Variants in EPHB3 observed in about 807,000 individuals in gnomAD.
EPHB3 encodes ephrin type-B receptor 3.
Under a neutral mutation model 100.2 loss-of-function variants are expected in EPHB3, and 33 were observed. That is an observed-to-expected ratio of 0.33 (90% confidence interval 0.25 to 0.44). The LOEUF is 0.44. Ranked by LOEUF, EPHB3 falls within the 20% of genes least tolerant of loss-of-function variation. EPHB3 has a pLI of 1.00. For synonymous variants in EPHB3, 526 were observed against 554.7 expected, an observed-to-expected ratio of 0.95 and a Z score of 0.73; for missense variants, 1,045 against 1,378.3, an observed-to-expected ratio of 0.76 and a Z score of 3.83.
Position 184,579,333 on chromosome 3 carries a change from A to T in EPHB3, c.1802-144A>T. ...GTGTCTAGCCTTTATGGTCACCAGG[A>T]GTTCTCATGGGAGCTGGAGGATTAG... On this transcript the variant is annotated intron_variant, in intron 9 of 15. Coordinates refer to ENST00000330394, the MANE Select transcript of EPHB3 (RefSeq NM_004443.4). This position sits in a 1 kb window ranked among gnomAD's most constrained non-coding sequence, Gnocchi z 5.2. 8.1e-7 allele frequency: 1 copy of T among 1,238,546 alleles called. No individual in the cohort carries two copies. Among genetic ancestry groups the T allele is most frequent in the African/African-American group, 1.5e-5 (1 of 66,378 alleles). 76.7% of individuals were successfully genotyped at this position (1,238,546 alleles called of 1,614,324 possible).
In EPHB3 at chr3:184,563,431, G is replaced by A. The variant is rs981664528; in HGVS notation, c.118+1078G>A. Among the ~76,000 whole-genome samples, 2 of 152,160 alleles carry A rather than the reference G, an allele frequency of 1.3e-5. No individual in the cohort carries two copies. Among genetic ancestry groups the A allele is most frequent in the African/African-American group, 4.8e-5 (2 of 41,414 alleles). On this transcript the variant is annotated intron_variant, in intron 1 of 15. Transcript: ENST00000330394. The surrounding 1 kb of genome is among the most constrained non-coding windows in gnomAD (Gnocchi z 4.1). Reference sequence around the variant, plus strand: ...CTAGTTACTTTCTTAGTTTAGGAACGAAAACACGAACTCTGTGGAACTTGG... The same window carrying A: ...CTAGTTACTTTCTTAGTTTAGGAACAAAAACACGAACTCTGTGGAACTTGG...
chr3:184,563,618 C>G lies in EPHB3; in HGVS notation c.118+1265C>G, dbSNP rs935920370. 6.6e-6 allele frequency among the ~76,000 whole-genome samples: 1 copy of G among 152,208 alleles called. No individual in the cohort carries two copies. The highest frequency in any genetic ancestry group is 2.4e-5 in the African/African-American group (1 of 41,456). On this transcript the variant is annotated intron_variant, in intron 1 of 15. Transcript: ENST00000330394. The surrounding 1 kb of genome is among the most constrained non-coding windows in gnomAD (Gnocchi z 4.1). ...CTCTGAGCCTGCTGTGCTGACAGAT[C>G]GAGTCCCACGGGTGGACACATGCAA...
Position 184,577,971 on chromosome 3 carries a change from G to C in EPHB3, c.1713G>C (p.Val571=). The C allele has an allele frequency of 1.2e-6, 2 of 1,613,956 alleles. No individual in the cohort carries two copies. The highest frequency in any genetic ancestry group is 1.7e-6 in the Non-Finnish European group (2 of 1,179,952). The change falls in exon 8 of 16, where the codon GTG becomes GTC. Residue 571 remains valine, a synonymous_variant. Coordinates refer to ENST00000330394, the MANE Select transcript of EPHB3 (RefSeq NM_004443.4). The surrounding 1 kb of genome is among the most constrained non-coding windows in gnomAD (Gnocchi z 4.9). ...VGSATAGLVF[V]VAVVVIAIVC... is the part of the protein sequence containing the mutation. ...CCGCTACAGCTGGGCTTGTCTTCGT[G>C]GTGGCTGTCGTGGTCATCGCTATCG...
At position 184,578,511 on chromosome 3, in the gene EPHB3, G is replaced by T. The variant is rs1416983826; in HGVS notation, c.1801+45G>T. 1.9e-6 allele frequency: 3 copies of T among 1,612,372 alleles called. No individual in the cohort carries two copies. The highest frequency in any genetic ancestry group is 8.5e-7 in the Non-Finnish European group (1 of 1,178,962). Reference sequence around the variant, plus strand: ...CCTCCCCAAGCTCTCCCAGCCCCCTGCAGGGCTCTCAGACACCCTTCTCCC... The same window carrying T: ...CCTCCCCAAGCTCTCCCAGCCCCCTTCAGGGCTCTCAGACACCCTTCTCCC... On this transcript the variant is annotated intron_variant, in intron 9 of 15. Coordinates refer to ENST00000330394, the MANE Select transcript of EPHB3 (RefSeq NM_004443.4). This position sits in a 1 kb window ranked among gnomAD's most constrained non-coding sequence, Gnocchi z 4.7.
Position 184,572,977 on chromosome 3 carries a change from C to T in EPHB3, c.657C>T (p.Phe219=), listed in dbSNP as rs145290731. 7,639 of 1,604,422 alleles carry T rather than the reference C, an allele frequency of 4.8e-3. 547 individuals are homozygous for T. The Admixed American group carries it at 0.12, about 25-fold the overall frequency. Residue 219 remains phenylalanine, a synonymous_variant, in exon 3 of 16, where the codon TTC becomes TTT. Transcript: ENST00000330394. This position sits in a 1 kb window ranked among gnomAD's most constrained non-coding sequence, Gnocchi z 6.6. ...AGTGTGCATCCACCACCGCAGGCTT[C>T]GCACTCTTCCCCGAGACCCTCACTG... ...YKKCASTTAG[F]ALFPETLTGA... is the part of the protein sequence containing the mutation.
At chr3:184,576,115 T>A in intron 4 of EPHB3, 130 bp downstream of exon 4, 2 of 1,302,584 alleles carry the variant, frequency 1.5e-6, no homozygotes, top group Non-Finnish European at 2.1e-6. Context: ...GGAAGTTAGA[T>A]GTTGCGCTCA....
chr3:184,570,285 G>A (rs1250641739), intron 1 of EPHB3, among the ~76,000 whole-genome samples: 1 of 152,316 alleles, frequency 6.6e-6, no homozygotes, highest in African/African-American at 2.4e-5. Context: ...CCTTTACAGA[G>A]GGGCATATTG....
Position 184,579,948 on chromosome 3 carries a change from C to T in EPHB3, c.2172+14C>T. On this transcript the variant is annotated intron_variant, in intron 11 of 15. Transcript: ENST00000330394. This position sits in a 1 kb window ranked among gnomAD's most constrained non-coding sequence, Gnocchi z 5.2. ...TCCTTCCTCCGGGTAAGAGCCAGCC[C>T]CCAGGCCCTCTCCCTCCCCCAGAGA... is the stretch of plus-strand genomic sequence containing the variant. The T allele has an allele frequency of 6.2e-7, 1 of 1,608,622 alleles. No homozygotes were observed. Among genetic ancestry groups the T allele is most frequent in the Admixed American group, 1.7e-5 (1 of 59,604 alleles).
At chr3:184,564,991 T>C (rs754822209) in intron 1 of EPHB3, among the ~76,000 whole-genome samples, 9 of 152,080 alleles carry the variant, frequency 5.9e-5, no homozygotes, top group Non-Finnish European at 1.3e-4. Context: ...ATGACATTTA[T>C]TTTGGCCCAG....
At chr3:184,564,504 T>A (rs570688663) in intron 1 of EPHB3, among the ~76,000 whole-genome samples, 2 of 152,360 alleles carry the variant, frequency 1.3e-5, no homozygotes, top group African/African-American at 4.8e-5. Flanking sequence ...TCTTAATGTG[T>A]GCAAAGTGCT....
Position 184,562,346 on chromosome 3 carries a change from G to T in EPHB3, c.111G>T (p.Ala37=), listed in dbSNP as rs1363118457. Residue 37 remains alanine (A), a synonymous_variant, in exon 1 of 16, where the codon GCG becomes GCT. Transcript: ENST00000330394. This position sits in a 1 kb window ranked among gnomAD's most constrained non-coding sequence, Gnocchi z 4.8. ...PLLLLPAGCR[A]LEETLMDTKW... is the part of the protein sequence containing the mutation. ...TGCTGCTGCCCGCCGGCTGCCGGGC[G>T]CTGGAAGGTGAGCGGCGTCGGGGGG... The T allele has an allele frequency of 5.7e-6, 7 of 1,233,856 alleles. No individual in the cohort carries two copies. Among genetic ancestry groups the T allele is most frequent in the Non-Finnish European group, 7.1e-6 (7 of 989,460 alleles). The allele number at this position is 1,233,856 out of a possible 1,614,324, so 76.4% of individuals were successfully genotyped here.
In EPHB3 at chr3:184,578,459, G is replaced by C. The variant is rs1419972843; in HGVS notation, c.1794G>C (p.Gln598His). 1 of 1,613,798 alleles carries C rather than the reference G, an allele frequency of 6.2e-7. No individual in the cohort carries two copies. The highest frequency in any genetic ancestry group is 1.3e-5 in the African/African-American group (1 of 74,920). Residue 598 changes from glutamine (Q) to histidine (H), a missense_variant, in exon 9 of 16, where the codon CAG becomes CAC. Physicochemically the swap from Gln to His is conservative, Grantham distance 24. Coordinates refer to ENST00000330394, the MANE Select transcript of EPHB3 (RefSeq NM_004443.4). This position sits in a 1 kb window ranked among gnomAD's most constrained non-coding sequence, Gnocchi z 4.7. ...ATTCGGAGTACACGGAGAAGCTGCA[G>C]CAGTACAGTGAGTTTGTCCCCGCCG... ...GSDSEYTEKL[Q>H]QYIAPGMKVY...
rs1714814696 is a variant in EPHB3 at position 184,581,298 on chromosome 3, C to G, written c.2778C>G (p.Thr926=). The change falls in exon 15 of 16, where the codon ACC becomes ACG. Residue 926 remains threonine, a synonymous_variant. Coordinates refer to ENST00000330394, the MANE Select transcript of EPHB3 (RefSeq NM_004443.4). Reference sequence around the variant, plus strand: ...ACCGCACGGTCCCAGATTACACAACCTTCACGACAGTTGGTGATTGGCTGG... The same window carrying G: ...ACCGCACGGTCCCAGATTACACAACGTTCACGACAGTTGGTGATTGGCTGG... ...LLDRTVPDYT[T]FTTVGDWLDA... is the part of the protein sequence containing the mutation. 3 of 1,607,598 alleles carry G rather than the reference C, an allele frequency of 1.9e-6. No homozygotes were observed. Among genetic ancestry groups the G allele is most frequent in the Non-Finnish European group, 2.5e-6 (3 of 1,176,516 alleles).
chr3:184,571,327 T>C lies in EPHB3; in HGVS notation c.128T>C (p.Met43Thr). 2 of 1,614,064 alleles carry C rather than the reference T, an allele frequency of 1.2e-6. No individual in the cohort carries two copies. The highest frequency in any genetic ancestry group is 1.7e-6 in the Non-Finnish European group (2 of 1,179,938). ...AGCRALEETLMDTKWVTSELA... is the reference protein window; with the variant it reads ...AGCRALEETLTDTKWVTSELA... ...TCCGTTGTTCCTCCAGAGACCCTCA[T>C]GGACACAAAATGGGTAACATCTGAG... is the stretch of plus-strand genomic sequence containing the variant. Residue 43 changes from methionine (M) to threonine (T), a missense_variant, in exon 2 of 16, where the codon ATG (methionine) becomes ACG (threonine). Around this residue, in one of 2 missense-constraint regions of EPHB3, gnomAD observed 985 missense variants for 1,331.1 expected, o/e 0.74. Transcript: ENST00000330394. This position sits in a 1 kb window ranked among gnomAD's most constrained non-coding sequence, Gnocchi z 5.0.
rs766181934 is a variant in EPHB3 at position 184,563,879 on chromosome 3, G to A, written c.118+1526G>A. ...ACACTTACGGGGCTATGTGTCACCT[G>A]TGTGTGTCGGGCCACAAGGCCCTTG... On this transcript the variant is annotated intron_variant, in intron 1 of 15. Coordinates refer to ENST00000330394, the MANE Select transcript of EPHB3 (RefSeq NM_004443.4). The surrounding 1 kb of genome is among the most constrained non-coding windows in gnomAD (Gnocchi z 4.1). Among the ~76,000 whole-genome samples the A allele has an allele frequency of 4.6e-5, 7 of 152,256 alleles. No individual in the cohort carries two copies. Among genetic ancestry groups the A allele is most frequent in the Non-Finnish European group, 7.3e-5 (5 of 68,030 alleles).
rs1237463879 is a variant in EPHB3 at position 184,572,956 on chromosome 3, T to C, written c.636T>C (p.Cys212=). The change falls in exon 3 of 16, where the codon TGT becomes TGC. Residue 212 remains cysteine, a synonymous_variant. Coordinates refer to ENST00000330394, the MANE Select transcript of EPHB3 (RefSeq NM_004443.4). This position sits in a 1 kb window ranked among gnomAD's most constrained non-coding sequence, Gnocchi z 6.6. ...CCGTGCGCGCCTTCTACAAGAAGTG[T>C]GCATCCACCACCGCAGGCTTCGCAC... is the stretch of plus-strand genomic sequence containing the variant. The part of the protein sequence containing the change: ...LISVRAFYKK[C]ASTTAGFALF... 2 of 1,587,180 alleles carry C rather than the reference T, an allele frequency of 1.3e-6. No individual in the cohort carries two copies. The highest frequency in any genetic ancestry group is 1.7e-4 in the Middle Eastern group (1 of 5,928).
chr3:184,571,180 C>T lies in EPHB3; in HGVS notation c.119-138C>T, dbSNP rs1577524952. On this transcript the variant is annotated intron_variant, in intron 1 of 15. Transcript: ENST00000330394. This position sits in a 1 kb window ranked among gnomAD's most constrained non-coding sequence, Gnocchi z 5.0. The stretch of plus-strand genomic sequence containing the variant: ...TGTTGGTCAGACTGATCTCAAACTC[C>T]TGACCTCAAGTGATCCACCTGCCTC... 22 of 735,928 alleles carry T rather than the reference C, an allele frequency of 3.0e-5. No individual in the cohort carries two copies. In the East Asian group the frequency reaches 6.1e-4, roughly 20 times the overall value. 45.6% of individuals were successfully genotyped at this position (735,928 alleles called of 1,614,324 possible).
Position 184,581,012 on chromosome 3 carries a change from C to T in EPHB3, c.2579C>T (p.Pro860Leu), listed in dbSNP as rs1165799669. The T allele has an allele frequency of 6.2e-7, 1 of 1,614,096 alleles. No homozygotes were observed. The highest frequency in any genetic ancestry group is 8.5e-7 in the Non-Finnish European group (1 of 1,179,984). Reference sequence around the variant, plus strand: ...GAGCAGGATTACCGGCTGCCACCACCCATGGACTGTCCCACAGCACTGCAC... The same window carrying T: ...GAGCAGGATTACCGGCTGCCACCACTCATGGACTGTCCCACAGCACTGCAC... ...AVEQDYRLPP[P>L]MDCPTALHQL... The change falls in exon 14 of 16, where the codon CCC becomes CTC. Residue 860 changes from proline (P) to leucine (L), a missense_variant. Coordinates refer to ENST00000330394, the MANE Select transcript of EPHB3 (RefSeq NM_004443.4).
Position 184,577,057 on chromosome 3 carries a change from G to T in EPHB3, c.1228G>T (p.Val410Phe), listed in dbSNP as rs1351314275. 1 of 1,613,752 alleles carries T rather than the reference G, an allele frequency of 6.2e-7. No homozygotes were observed. Among genetic ancestry groups the T allele is most frequent in the Non-Finnish European group, 8.5e-7 (1 of 1,179,966 alleles). ...PRQLGLTERR[V>F]HISHLLAHTR... ...GCAGCTGGGCCTGACGGAGCGCCGGGTCCACATCAGCCATCTGCTGGCCCA... is the reference window on the plus strand; with the variant it reads ...GCAGCTGGGCCTGACGGAGCGCCGGTTCCACATCAGCCATCTGCTGGCCCA... Residue 410 changes from valine (V) to phenylalanine (F), a missense_variant, in exon 5 of 16, where the codon GTC (valine) becomes TTC (phenylalanine). This residue lies in a region of EPHB3 where 985 missense variants were observed against 1,331.1 expected (regional missense o/e 0.74). Transcript: ENST00000330394. This position sits in a 1 kb window ranked among gnomAD's most constrained non-coding sequence, Gnocchi z 4.9.
Sources: allele counts gnomAD v4.1 joint callset (sites outside exome capture counted in the v4.1 genomes callset), GRCh38; gene constraint gnomAD v4.1.1; regional missense constraint gnomAD v4.1.1; non-coding constraint Gnocchi (gnomAD v3.1); transcripts MANE v1.5; gene names NCBI Gene and HGNC (gene_info 2026-07-23, HGNC 2026-07-21).